CDH23: variants seen among roughly 807,000 people sequenced by gnomAD.
CDH23 encodes cadherin related 23.
Under a neutral mutation model 317.1 loss-of-function variants are expected in CDH23, and 189 were observed. The observed-to-expected ratio is 0.60, with a 90% CI of 0.53 to 0.67. The LOEUF is 0.67. CDH23 is among the 30% of genes least tolerant of loss of function. The pLI is 0.00. For synonymous variants in CDH23, 1,839 were observed against 1,876.8 expected, an observed-to-expected ratio of 0.98 and a Z score of 0.52; for missense variants, 4,401 against 4,592.4, an observed-to-expected ratio of 0.96 and a Z score of 1.20.
intron 6 of CDH23, among the ~76,000 whole-genome samples, chr10:71,544,998 C>T (rs561252499): frequency 1.3e-5 from 2 of 152,086 alleles, no homozygotes; most frequent in African/African-American, 2.4e-5. Context: ...AGTCAGTCCC[C>T]GACCCCAACC....
At chr10:71,781,611 C>T (rs763146914) in intron 41 of CDH23, among the ~76,000 whole-genome samples, 4 of 152,162 alleles carry the variant, frequency 2.6e-5, no homozygotes, top group East Asian at 1.9e-4. Flanking sequence ...AAGCCACAAG[C>T]GAAACTTCCT....
chr10:71,442,462 C>T (rs1190126541), intron 2 of CDH23, among the ~76,000 whole-genome samples: 1 of 152,154 alleles, frequency 6.6e-6, no homozygotes, highest in Non-Finnish European at 1.5e-5. Context: ...GCCCTCGCCA[C>T]TTTGTTTCCA....
chr10:71,695,512 CTG>C lies in CDH23; in HGVS notation c.2385_2386del (p.Asp796CysfsTer8). ...CTGGTGGAGATGACCCCTCCAGACT[CTG>C]ATGTGACCACGGTAGGTGGTGGCAG... On this transcript the variant is annotated frameshift_variant, in exon 22 of 70. Coordinates refer to ENST00000224721, the MANE Select transcript of CDH23 (RefSeq NM_022124.6). LOFTEE classifies it high-confidence loss of function. 1 of 1,611,678 alleles carries C rather than the reference CTG, an allele frequency of 6.2e-7. No homozygotes were observed. The highest frequency in any genetic ancestry group is 1.1e-5 in the South Asian group (1 of 91,042).
intron 21 of CDH23, 69 bp from the exon 22 acceptor site, chr10:71,695,349 C>G (rs889990766): frequency 1.8e-6 from 2 of 1,125,356 alleles, no homozygotes. Context: ...GAGCACTTTT[C>G]CCCTGGCAGG....
At chr10:71,743,539 C>T (rs1371711284) in intron 38 of CDH23, among the ~76,000 whole-genome samples, 1 of 152,182 alleles carries the variant, frequency 6.6e-6, no homozygotes, top group African/African-American at 2.4e-5. Flanking sequence ...ATCCTTAGCC[C>T]CATGGCTGCA....
At chr10:71,759,852 C>CACACACACACACATATATAT (rs1554868479) in intron 38 of CDH23, among the ~76,000 whole-genome samples, 8,061 of 74,710 alleles carry the variant, frequency 0.11, 1,967 homozygotes, top group East Asian at 0.17. Flanking sequence ...CACACATATA[C>CACACACACACACATATATAT]ACACACACAC....
At chr10:71,793,118 G>A (rs565765628) in intron 47 of CDH23, 64 bp from the exon 48 acceptor site, 5 of 1,264,794 alleles carry the variant, frequency 4.0e-6, no homozygotes, top group African/African-American at 3.0e-5. Context: ...CAACAAATGT[G>A]TCTTGGTAGA....
chr10:71,408,070 C>T (rs138599010), intron 1 of CDH23, among the ~76,000 whole-genome samples: 111 of 152,190 alleles, frequency 7.3e-4, no homozygotes, highest in Middle Eastern at 6.8e-3. Context: ...GTGGGATTTA[C>T]GAGATATATA....
intron 9 of CDH23, among the ~76,000 whole-genome samples, chr10:71,595,990 G>A (rs1041243513): frequency 2.6e-5 from 4 of 152,122 alleles, no homozygotes; most frequent in Non-Finnish European, 5.9e-5. Context: ...TCCATGGTCC[G>A]TGTGACTCAG....
intron 14 of CDH23, among the ~76,000 whole-genome samples, chr10:71,667,382 G>A (rs1589313079): frequency 6.7e-6 from 1 of 149,762 alleles, no homozygotes; most frequent in African/African-American, 2.5e-5. Flanking sequence ...GTGTGTGTGT[G>A]TGTGTGTGTG....
chr10:71,777,332 T>A (rs891804399), intron 38 of CDH23, among the ~76,000 whole-genome samples: 1 of 152,190 alleles, frequency 6.6e-6, no homozygotes, highest in African/African-American at 2.4e-5. Flanking sequence ...CTACCAGGGT[T>A]CATCCCATAT....
chr10:71,750,482 A>C (rs1377015021), intron 38 of CDH23: 1 of 152,324 alleles, frequency 6.6e-6, no homozygotes, highest in Non-Finnish European at 1.5e-5. Context: ...ACCTTCCCAG[A>C]AGGCCCCACC....
intron 17 of CDH23, 121 bp from the exon 18 acceptor site, chr10:71,682,324 A>G: frequency 7.4e-7 from 1 of 1,347,538 alleles, no homozygotes; most frequent in South Asian, 1.4e-5. Flanking sequence ...GTGTTCAGAA[A>G]ACAAGCCAGA....
chr10:71,485,438 C>G (rs1260912841), intron 3 of CDH23, among the ~76,000 whole-genome samples: 1 of 152,226 alleles, frequency 6.6e-6, no homozygotes, highest in African/African-American at 2.4e-5. Context: ...CTTTGGCCAT[C>G]CGTCCTGCAT....
In CDH23 at chr10:71,802,951, C is replaced by T. The variant is rs773952857; in HGVS notation, c.7536C>T (p.Pro2512=). The T allele has an allele frequency of 6.2e-7, 1 of 1,614,030 alleles. No individual in the cohort carries two copies. The highest frequency in any genetic ancestry group is 8.5e-7 in the Non-Finnish European group (1 of 1,179,904). ...VNDCRPQFSK[P]QFSTSVYENE... Reference sequence around the variant, plus strand: ...ACTGCCGGCCACAGTTCTCCAAGCCCCAGTTCAGCACAAGCGTGTATGAGA... The same window carrying T: ...ACTGCCGGCCACAGTTCTCCAAGCCTCAGTTCAGCACAAGCGTGTATGAGA... Residue 2512 remains proline, a synonymous_variant, in exon 54 of 70, where the codon CCC becomes CCT. Coordinates refer to ENST00000224721, the MANE Select transcript of CDH23 (RefSeq NM_022124.6).
Position 71,696,266 on chromosome 10 carries a change from GT to G in CDH23, c.2397+742del, listed in dbSNP as rs1386594658. On this transcript the variant is annotated intron_variant, in intron 22 of 69. Transcript: ENST00000224721. ...CACGTGGCCTTACTTGAGGAGGCTT[GT>G]CCCCACATGAACATCCCCACTGCCA... Among the ~76,000 whole-genome samples, 3 of 152,258 alleles carry G rather than the reference GT, an allele frequency of 2.0e-5. No homozygotes were observed. The East Asian group carries it at 5.8e-4, about 29-fold the overall frequency.
At chr10:71,681,205 C>T (rs993067241) in intron 17 of CDH23, among the ~76,000 whole-genome samples, 1 of 151,080 alleles carries the variant, frequency 6.6e-6, no homozygotes, top group Admixed American at 6.7e-5. Context: ...TAGAAGAATC[C>T]CCCTTAGATT....
chr10:71,762,524 C>T (rs1370888831), intron 38 of CDH23, among the ~76,000 whole-genome samples: 3 of 152,254 alleles, frequency 2.0e-5, no homozygotes, highest in Admixed American at 2.0e-4. Flanking sequence ...GGTGCTGCAT[C>T]TCACCTGCAT....
Position 71,701,876 on chromosome 10 carries a change from G to C in CDH23, c.2398-146G>C. On this transcript the variant is annotated intron_variant, in intron 22 of 69. Coordinates refer to ENST00000224721, the MANE Select transcript of CDH23 (RefSeq NM_022124.6). ...CCCAGCCCTCTCGGACCCCCCTACC[G>C]GGCCCAGCGGGGATGCCCACTTCCT... 4 of 762,710 alleles carry C rather than the reference G, an allele frequency of 5.2e-6. No homozygotes were observed. In the South Asian group the frequency reaches 6.9e-5, roughly 13 times the overall value. The allele number at this position is 762,710 out of a possible 1,614,324, so 47.2% of individuals were successfully genotyped here. A position where few individuals can be genotyped will look rare whatever the true frequency, so the allele number is the denominator to read the frequency against.
Sources: allele counts gnomAD v4.1 joint callset (sites outside exome capture counted in the v4.1 genomes callset), GRCh38; gene constraint gnomAD v4.1.1; transcripts MANE v1.5; gene names NCBI Gene and HGNC (gene_info 2026-07-23, HGNC 2026-07-21).